The following ITGB3BP variants were observed in gnomAD, a reference collection of about 807,000 sequenced individuals.
ITGB3BP encodes integrin subunit beta 3 binding protein, also known as centromere protein R.
A neutral mutation model predicts 29.1 loss-of-function variants in ITGB3BP; 27 were observed. That is an observed-to-expected ratio of 0.93 (90% confidence interval 0.68 to 1.28). ITGB3BP has a LOEUF of 1.28. ITGB3BP is among the 50% of genes most tolerant of loss of function. ITGB3BP has a pLI of 0.00. For missense variants in ITGB3BP, 192 were observed against 200.2 expected, an observed-to-expected ratio of 0.96 and a Z score of 0.25; for synonymous variants, 61 against 61.4, an observed-to-expected ratio of 0.99 and a Z score of 0.03.
chr1:63,493,441 CAAACAAACAAACA>C (rs1645710355), intron 2 of ITGB3BP, among the ~76,000 whole-genome samples: 1 of 151,748 alleles, frequency 6.6e-6, no homozygotes, highest in Admixed American at 6.6e-5. Context: ...AACAAACAAA[CAAACAAACAAACA>C]AACCTGCTTG....
chr1:63,501,765 G>A (rs1322966319), intron 2 of ITGB3BP, among the ~76,000 whole-genome samples: 4 of 151,934 alleles, frequency 2.6e-5, no homozygotes, highest in African/African-American at 9.7e-5. Context: ...TGGAGGCTGA[G>A]GTAAGACGAT....
chr1:63,449,840 A>G (rs1644838724), intron 7 of ITGB3BP: 1 of 154,296 alleles, frequency 6.5e-6, no homozygotes, highest in South Asian at 2.0e-4. Context: ...TATATTGTTT[A>G]ATGTTAAGAT....
intron 4 of ITGB3BP, among the ~76,000 whole-genome samples, chr1:63,473,227 C>A (rs552186836): frequency 2.0e-5 from 3 of 150,900 alleles, no homozygotes; most frequent in Admixed American, 6.6e-5. Context: ...AGTGAGGAAA[C>A]CCTCTGCCTG....
chr1:63,526,085 T>A (rs991152664), upstream of ITGB3BP, among the ~76,000 whole-genome samples: 1 of 152,198 alleles, frequency 6.6e-6, no homozygotes, highest in Non-Finnish European at 1.5e-5. Context: ...CTTAAGTCAC[T>A]AGCCTGAATT....
rs552232383 is a variant in ITGB3BP, at chr1:63,497,197, C to T, written c.49-6979G>A. 1.9e-4 allele frequency among the ~76,000 whole-genome samples: 29 copies of T among 152,102 alleles called. No homozygotes were observed. The East Asian group carries it at 4.3e-3, about 22-fold the overall frequency. ...GCATGTGCCTGCAGTCCTAGCTACT[C>T]GGGAGGTTGAGTTGGGAGGATCACT... On this transcript the variant is annotated intron_variant, in intron 2 of 8. Transcript: ENST00000271002.
At chr1:63,444,075 C>T (rs1319574480) in intron 8 of ITGB3BP, among the ~76,000 whole-genome samples, 1 of 152,188 alleles carries the variant, frequency 6.6e-6, no homozygotes, top group East Asian at 1.9e-4. Context: ...CTTAATTTCA[C>T]TGTCATTGCT....
chr1:63,515,425 T>G (rs929375437), intron 1 of ITGB3BP, among the ~76,000 whole-genome samples: 56 of 152,190 alleles, frequency 3.7e-4, no homozygotes, highest in Non-Finnish European at 3.5e-4. Context: ...AACTTCATTC[T>G]TTTTTTTCAA....
rs542253176 is a variant in ITGB3BP, at chr1:63,443,358, G to A, written c.*2-2255C>T. Among the ~76,000 whole-genome samples, 9 of 152,152 alleles carry A rather than the reference G, an allele frequency of 5.9e-5. No individual in the cohort carries two copies. The South Asian group carries it at 1.7e-3, about 28-fold the overall frequency. ...GAGTTCTAAGCAGGTTTTGAAAGAC[G>A]GGTAAAATTTTGACAATAATGAGGG... On this transcript the variant is annotated intron_variant, in intron 8 of 8. Transcript: ENST00000271002.
At chr1:63,523,390 ACTC>A (rs1291915644), upstream of ITGB3BP, 1 of 565,504 alleles carries the variant, frequency 1.8e-6, no homozygotes, top group African/African-American at 1.9e-5. Flanking sequence ...TTCTCTCACT[ACTC>A]TGGCCATACC....
chr1:63,523,086 A>C (rs1463515776), intron 1 of ITGB3BP, 43 bp downstream of exon 1: 1 of 1,612,046 alleles, frequency 6.2e-7, no homozygotes, highest in African/African-American at 1.3e-5. Flanking sequence ...CTCTTCTTGC[A>C]GAGGGCCCCC....
chr1:63,497,620 G>T (rs1645820789), intron 2 of ITGB3BP, among the ~76,000 whole-genome samples: 1 of 152,178 alleles, frequency 6.6e-6, no homozygotes, highest in South Asian at 2.1e-4. Context: ...TTATATAGGT[G>T]CAAAAAATGT....
At chr1:63,474,991 T>C (rs1019274552) in intron 4 of ITGB3BP, among the ~76,000 whole-genome samples, 5 of 152,186 alleles carry the variant, frequency 3.3e-5, no homozygotes, top group Non-Finnish European at 5.9e-5. Context: ...CACTGATTGA[T>C]TGAGATGAGG....
At chr1:63,451,091 A>C (rs1308710152) in intron 7 of ITGB3BP, among the ~76,000 whole-genome samples, 1 of 151,930 alleles carries the variant, frequency 6.6e-6, no homozygotes, top group Admixed American at 6.6e-5. Flanking sequence ...ATATTACTAG[A>C]ACTAAAAGAC....
At chr1:63,460,193 G>T (rs1293478558) in intron 4 of ITGB3BP, among the ~76,000 whole-genome samples, 1 of 152,098 alleles carries the variant, frequency 6.6e-6, no homozygotes, top group African/African-American at 2.4e-5. Context: ...GTACAATTCA[G>T]TGACATTAAT....
chr1:63,518,580 C>T (rs1180070852), intron 1 of ITGB3BP, among the ~76,000 whole-genome samples: 2 of 148,832 alleles, frequency 1.3e-5, no homozygotes, highest in East Asian at 3.9e-4. Flanking sequence ...CTTTCCCTTT[C>T]TTTTCTTTCT....
chr1:63,453,757 C>A (rs183846789), intron 7 of ITGB3BP, 161 bp downstream of exon 7: 61 of 539,170 alleles, frequency 1.1e-4, no homozygotes, highest in African/African-American at 1.1e-3. Context: ...CAATATAAAG[C>A]TTTTCAAATG....
chr1:63,515,751 G>C (rs565502746), intron 1 of ITGB3BP, among the ~76,000 whole-genome samples: 1 of 145,330 alleles, frequency 6.9e-6, no homozygotes. Flanking sequence ...ACTTGAACTC[G>C]GGAGGCGGAG....
intron 3 of ITGB3BP, among the ~76,000 whole-genome samples, chr1:63,489,755 A>G (rs1645605960): frequency 6.6e-6 from 1 of 152,080 alleles, no homozygotes; most frequent in African/African-American, 2.4e-5. Flanking sequence ...CACCTGAATT[A>G]TGCTCCCTTT....
chr1:63,489,753 T>C (rs574528058), intron 3 of ITGB3BP, among the ~76,000 whole-genome samples: 31 of 152,206 alleles, frequency 2.0e-4, no homozygotes, highest in South Asian at 6.2e-4. Flanking sequence ...AGCACCTGAA[T>C]TATGCTCCCT....
Sources: allele counts gnomAD v4.1 joint callset (sites outside exome capture counted in the v4.1 genomes callset), GRCh38; gene constraint gnomAD v4.1.1; transcripts MANE v1.5; gene names NCBI Gene and HGNC (gene_info 2026-07-23, HGNC 2026-07-21).